The following CNOT6L variants were observed in gnomAD, a reference collection of about 807,000 sequenced individuals.
CNOT6L encodes the protein CCR4-NOT transcription complex subunit 6-like.
A neutral mutation model predicts 64.0 loss-of-function variants in CNOT6L; 7 were observed. That is an observed-to-expected ratio of 0.11 (90% confidence interval 0.06 to 0.21). The LOEUF (loss-of-function observed/expected upper bound fraction) is 0.21, where lower values mean the gene tolerates loss of function less well. CNOT6L is among the 10% of genes least tolerant of loss of function. The pLI is 1.00. For missense variants in CNOT6L, 245 were observed against 669.0 expected, an observed-to-expected ratio of 0.37 and a Z score of 6.99; for synonymous variants, 193 against 243.4, an observed-to-expected ratio of 0.79 and a Z score of 1.93.
chr4:77,725,647 A>C (rs1199038730), intron 11 of CNOT6L, among the ~76,000 whole-genome samples: 1 of 152,250 alleles, frequency 6.6e-6, no homozygotes, highest in Non-Finnish European at 1.5e-5. Flanking sequence ...ATAAAGTAGA[A>C]CCAAAGTACA....
At chr4:77,819,537 G>T, upstream of CNOT6L, 1 of 646,300 alleles carries the variant, frequency 1.5e-6, no homozygotes, top group Non-Finnish European at 2.2e-6. Flanking sequence ...TCGCGGGCGG[G>T]CGCGCAGGGA....
intron 5 of CNOT6L, among the ~76,000 whole-genome samples, chr4:77,750,598 C>G (rs1724751077): frequency 6.6e-6 from 1 of 152,146 alleles, no homozygotes; most frequent in Admixed American, 6.5e-5. Flanking sequence ...TGTGATCCGC[C>G]TGCCTCAGCC....
At chr4:77,743,001 T>C (rs1723759223) in intron 7 of CNOT6L, among the ~76,000 whole-genome samples, 1 of 152,142 alleles carries the variant, frequency 6.6e-6, no homozygotes. Context: ...GCTACATCAA[T>C]ATACGTTCAT....
chr4:77,801,165 A>G (rs539255685), intron 1 of CNOT6L, among the ~76,000 whole-genome samples: 3 of 152,212 alleles, frequency 2.0e-5, no homozygotes, highest in Admixed American at 6.5e-5. Context: ...CTCTGACCCT[A>G]CGTGAAAGCA....
intron 7 of CNOT6L, among the ~76,000 whole-genome samples, chr4:77,742,753 T>C (rs1723726756): frequency 6.6e-6 from 1 of 152,150 alleles, no homozygotes; most frequent in African/African-American, 2.4e-5. Flanking sequence ...GTAAAATCTA[T>C]CCACAAAAAA....
rs745948951 is a variant in CNOT6L at position 77,756,910 on chromosome 4, G to A, written c.442C>T (p.Pro148Ser). Residue 148 changes from proline (P) to serine (S), a missense_variant, in exon 5 of 12, where the codon CCA becomes TCA. Coordinates refer to ENST00000504123, the MANE Select transcript of CNOT6L (RefSeq NM_144571.3). ...TTCAGTAGCTTTCGGGTTCCATCTGGGTCCTGGTATAAGTTGAGAATATCC... is the reference window on the plus strand; with the variant it reads ...TTCAGTAGCTTTCGGGTTCCATCTGAGTCCTGGTATAAGTTGAGAATATCC... ...SQDILNLYQD[P>S]DGTRKLLNFM... is the part of the protein sequence containing the mutation. The A allele has an allele frequency of 4.3e-6, 7 of 1,610,162 alleles. No individual in the cohort carries two copies. The highest frequency in any genetic ancestry group is 1.7e-5 in the Admixed American group (1 of 59,596).
rs201499481 is a variant in CNOT6L, at chr4:77,714,438, T to TAAAAAAAA, written c.*5985_*5992dup. 7.4e-6 allele frequency: 1 copy of TAAAAAAAA among 134,690 alleles called. No homozygotes were observed. The highest frequency in any genetic ancestry group is 2.1e-4 in the East Asian group (1 of 4,732). The allele number at this position is 134,690 out of a possible 1,614,324, so 8.3% of individuals were successfully genotyped here. A position where few individuals can be genotyped will look rare whatever the true frequency, so the allele number is the denominator to read the frequency against. ...AGAAAAAGTACATACACACTCTCTT[T>TAAAAAAAA]AAAAAAAAAAAAAAAAAAAAAAAAA... On this transcript the variant is annotated 3_prime_UTR_variant, in exon 12 of 12. Transcript: ENST00000504123.
rs1050606745 is a variant in CNOT6L, at chr4:77,714,209, G to A, written c.*6222C>T. 1.3e-5 allele frequency: 2 copies of A among 152,416 alleles called. No homozygotes were observed. The highest frequency in any genetic ancestry group is 4.8e-5 in the African/African-American group (2 of 41,382). The allele number at this position is 152,416 out of a possible 1,614,324, so 9.4% of individuals were successfully genotyped here. A position where few individuals can be genotyped will look rare whatever the true frequency, so the allele number is the denominator to read the frequency against. ...TTATAGGTCACAGAATGACTCAAAT[G>A]TATGCAAAATAATGAATTCTTTAAC... On this transcript the variant is annotated 3_prime_UTR_variant, in exon 12 of 12. Transcript: ENST00000504123.
chr4:77,744,945 T>C lies in CNOT6L; in HGVS notation c.560-70A>G, dbSNP rs889006400. 3 of 1,269,016 alleles carry C rather than the reference T, an allele frequency of 2.4e-6. No homozygotes were observed. In the African/African-American group the frequency reaches 4.5e-5, roughly 19 times the overall value. The allele number at this position is 1,269,016 out of a possible 1,614,324, so 78.6% of individuals were successfully genotyped here. A position where few individuals can be genotyped will look rare whatever the true frequency, so the allele number is the denominator to read the frequency against. On this transcript the variant is annotated intron_variant, in intron 6 of 11. Coordinates refer to ENST00000504123, the MANE Select transcript of CNOT6L (RefSeq NM_144571.3). ...GGCAACTTTTTCTAAAGCAATATCA[T>C]GTGTACACCTGCACAAGCACACACA... is the stretch of plus-strand genomic sequence containing the variant.
intron 10 of CNOT6L, among the ~76,000 whole-genome samples, chr4:77,727,858 A>G (rs1276793068): frequency 1.3e-5 from 2 of 152,232 alleles, no homozygotes; most frequent in African/African-American, 2.4e-5. Flanking sequence ...CAATGATTTC[A>G]GCATTATTTG....
intron 5 of CNOT6L, among the ~76,000 whole-genome samples, chr4:77,755,223 G>GTTT (rs869054667): frequency 2.8e-4 from 20 of 70,434 alleles, no homozygotes; most frequent in East Asian, 4.9e-4. Context: ...AGAGACAAGA[G>GTTT]TTTTTTTTTT....
At chr4:77,741,654 T>A (rs1021468723) in intron 8 of CNOT6L, among the ~76,000 whole-genome samples, 3 of 152,214 alleles carry the variant, frequency 2.0e-5, no homozygotes, top group African/African-American at 7.2e-5. Flanking sequence ...TTAGGAACTA[T>A]GTCTTGACTA....
At chr4:77,747,765 T>C (rs1056074005) in intron 6 of CNOT6L, among the ~76,000 whole-genome samples, 3 of 152,224 alleles carry the variant, frequency 2.0e-5, no homozygotes, top group African/African-American at 7.2e-5. Context: ...ATTATATCCT[T>C]ATATTGCTCA....
chr4:77,811,528 T>C lies in CNOT6L; in HGVS notation c.5+7776A>G, dbSNP rs914770910. ...GGCCACTGCACTCCAGACTGGGCGA[T>C]AGAGCAAGACTCCGTCTCAAAACAA... On this transcript the variant is annotated intron_variant, in intron 1 of 11. Coordinates refer to ENST00000504123, the MANE Select transcript of CNOT6L (RefSeq NM_144571.3). Among the ~76,000 whole-genome samples, 71 of 151,918 alleles carry C rather than the reference T, an allele frequency of 4.7e-4. 1 individual carries two copies. Among genetic ancestry groups the C allele is most frequent in the Admixed American group, 1.3e-4 (2 of 15,242 alleles).
At chr4:77,809,794 G>A (rs1323048179) in intron 1 of CNOT6L, among the ~76,000 whole-genome samples, 1 of 152,066 alleles carries the variant, frequency 6.6e-6, no homozygotes, top group Non-Finnish European at 1.5e-5. Flanking sequence ...ATATGGGAAA[G>A]AGAAAAATAG....
At chr4:77,797,980 CA>C (rs973224405) in intron 1 of CNOT6L, among the ~76,000 whole-genome samples, 1 of 152,038 alleles carries the variant, frequency 6.6e-6, no homozygotes, top group African/African-American at 2.4e-5. Flanking sequence ...ATCCATAAAA[CA>C]AAAAATTGAT....
At chr4:77,760,487 C>T (rs1355600842) in intron 4 of CNOT6L, among the ~76,000 whole-genome samples, 1 of 151,478 alleles carries the variant, frequency 6.6e-6, no homozygotes, top group Admixed American at 6.6e-5. Flanking sequence ...GCTTTAAATG[C>T]TGATATTAGA....
chr4:77,764,896 G>C (rs985186392), intron 4 of CNOT6L, among the ~76,000 whole-genome samples: 4 of 152,126 alleles, frequency 2.6e-5, no homozygotes, highest in African/African-American at 9.7e-5. Context: ...TTATAAAAGG[G>C]AGCAGAGAAA....
chr4:77,762,350 A>G (rs1417676170), intron 4 of CNOT6L, among the ~76,000 whole-genome samples: 1 of 152,162 alleles, frequency 6.6e-6, no homozygotes, highest in Admixed American at 6.5e-5. Context: ...TACAACAATC[A>G]AACATTTTGA....
Sources: allele counts gnomAD v4.1 joint callset (sites outside exome capture counted in the v4.1 genomes callset), GRCh38; gene constraint gnomAD v4.1.1; transcripts MANE v1.5; gene names NCBI Gene and HGNC (gene_info 2026-07-23, HGNC 2026-07-21).